Variants in RCAN1 observed in about 807,000 individuals in gnomAD.
RCAN1 encodes calcipressin-1.
A neutral mutation model predicts 22.9 loss-of-function variants in RCAN1; 11 were observed. The ratio of observed to expected loss-of-function variants is 0.48; its 90% CI spans 0.30 to 0.79. RCAN1 has a LOEUF of 0.79. RCAN1 is among the 30% of genes least tolerant of loss of function. RCAN1 has a pLI of 0.06. For synonymous variants in RCAN1, 136 were observed against 142.3 expected (o/e 0.96, Z 0.32); for missense variants, 291 against 337.8 (o/e 0.86, Z 1.09).
chr21:34,519,182 A>G (rs1228260051), intron 3 of RCAN1, among the ~76,000 whole-genome samples: 1 of 152,164 alleles, frequency 6.6e-6, no homozygotes, highest in Non-Finnish European at 1.5e-5. Context: ...AACCCGGCTC[A>G]CCACATGCTT....
intron 1 of RCAN1, among the ~76,000 whole-genome samples, chr21:34,608,134 A>G (rs879375170): frequency 2.0e-5 from 3 of 152,184 alleles, no homozygotes; most frequent in Non-Finnish European, 2.9e-5. Context: ...TTGTATAATT[A>G]TTTTATTATA....
chr21:34,532,882 C>G (rs990840978), intron 1 of RCAN1, among the ~76,000 whole-genome samples: 10 of 152,188 alleles, frequency 6.6e-5, no homozygotes, highest in Admixed American at 2.0e-4. Flanking sequence ...TCCAACCCCC[C>G]ACTGCCCACC....
chr21:34,525,906 T>TA (rs146178216), intron 1 of RCAN1, among the ~76,000 whole-genome samples: 7,593 of 152,152 alleles, frequency 0.05, 567 homozygotes, highest in African/African-American at 0.16. Context: ...TGATTTTTTT[T>TA]AAAAAAAGAA....
chr21:34,581,794 C>T (rs1311639251), intron 1 of RCAN1, among the ~76,000 whole-genome samples: 2 of 152,234 alleles, frequency 1.3e-5, no homozygotes, highest in East Asian at 3.8e-4. Context: ...GGCTGGCCTA[C>T]ATGTGGACCA....
intron 1 of RCAN1, among the ~76,000 whole-genome samples, chr21:34,592,341 C>T (rs907699691): frequency 3.9e-5 from 6 of 152,142 alleles, no homozygotes; most frequent in Non-Finnish European, 7.4e-5. Context: ...TAATGGCGTC[C>T]GCCACACGCC....
At chr21:34,561,880 C>A (rs904936659) in intron 1 of RCAN1, among the ~76,000 whole-genome samples, 1 of 152,154 alleles carries the variant, frequency 6.6e-6, no homozygotes, top group Non-Finnish European at 1.5e-5. Context: ...CTGCCCACTG[C>A]AATTTTCTAT....
intron 1 of RCAN1, among the ~76,000 whole-genome samples, chr21:34,598,733 G>C (rs1988239854): frequency 6.6e-6 from 1 of 152,098 alleles, no homozygotes; most frequent in African/African-American, 2.4e-5. Context: ...TGGCAAACTG[G>C]AGAAAATATC....
chr21:34,526,891 A>T, intron 1 of RCAN1: 36 of 1,454,272 alleles, frequency 2.5e-5, no homozygotes, highest in Non-Finnish European at 3.2e-5. Flanking sequence ...GGGAAAAAAA[A>T]AGTGCAGCTT....
intron 1 of RCAN1, among the ~76,000 whole-genome samples, chr21:34,602,230 A>G (rs1309998262): frequency 6.6e-6 from 1 of 152,180 alleles, no homozygotes; most frequent in Non-Finnish European, 1.5e-5. Context: ...TCTCAGGCAC[A>G]GCCCCGAAGG....
In RCAN1 at chr21:34,614,778, G is replaced by A; in HGVS notation, c.234C>T (p.Phe78=). The A allele has an allele frequency of 6.8e-7, 1 of 1,462,396 alleles. No individual in the cohort carries two copies. Among genetic ancestry groups the A allele is most frequent in the East Asian group, 3.2e-5 (1 of 31,734 alleles). The allele number at this position is 1,462,396 out of a possible 1,614,324, so 90.6% of individuals were successfully genotyped here. A position where few individuals can be genotyped will look rare whatever the true frequency, so the allele number is the denominator to read the frequency against. ...TCCTCACCCGGCACAGGCCGTCCAC[G>A]AACACGCGCGGGTCCAGGTGACAGG... ...TIACHLDPRV[F]VDGLCRAKFE... The change falls in exon 1 of 4, where the codon TTC becomes TTT. Residue 78 remains phenylalanine, a synonymous_variant. Transcript: ENST00000313806. This position sits in a 1 kb window ranked among gnomAD's most constrained non-coding sequence, Gnocchi z 6.0.
At chr21:34,564,681 C>A (rs962619329) in intron 1 of RCAN1, among the ~76,000 whole-genome samples, 5 of 152,034 alleles carry the variant, frequency 3.3e-5, no homozygotes, top group Admixed American at 3.3e-4. Flanking sequence ...ATACAATATT[C>A]ATTAATTATT....
intron 1 of RCAN1, chr21:34,525,574 A>C: frequency 2.2e-6 from 1 of 459,118 alleles, no homozygotes; most frequent in Non-Finnish European, 3.7e-6. Context: ...GGGAGAGATG[A>C]CTTTGAAGAA....
At chr21:34,556,757 C>A (rs1043458871) in intron 1 of RCAN1, among the ~76,000 whole-genome samples, 1 of 152,132 alleles carries the variant, frequency 6.6e-6, no homozygotes, top group Non-Finnish European at 1.5e-5. Context: ...CAGGTGAAGA[C>A]CAAGTATTAT....
chr21:34,555,580 A>AAAAT (rs1555860833), intron 1 of RCAN1, among the ~76,000 whole-genome samples: 302 of 150,128 alleles, frequency 2.0e-3, no homozygotes, highest in African/African-American at 7.2e-3. Context: ...TCAAAAAAAA[A>AAAAT]AATAAATAAA....
chr21:34,602,018 C>T (rs1179254438), intron 1 of RCAN1, among the ~76,000 whole-genome samples: 1 of 152,042 alleles, frequency 6.6e-6, no homozygotes, highest in African/African-American at 2.4e-5. Context: ...AAAAATTAAA[C>T]ATTGACCTAA....
chr21:34,574,339 A>C (rs1454679348), intron 1 of RCAN1, among the ~76,000 whole-genome samples: 1 of 152,218 alleles, frequency 6.6e-6, no homozygotes, highest in East Asian at 1.9e-4. Flanking sequence ...TGAGGGTGAG[A>C]TACTACGTAT....
intron 1 of RCAN1, among the ~76,000 whole-genome samples, chr21:34,593,577 AGT>A (rs1988042334): frequency 1.3e-5 from 2 of 152,210 alleles, no homozygotes; most frequent in African/African-American, 4.8e-5. Context: ...CCTGTCTCTT[AGT>A]CACAGAAGGG....
intron 1 of RCAN1, among the ~76,000 whole-genome samples, chr21:34,535,152 C>T (rs2834507): frequency 0.36 from 55,391 of 152,100 alleles, 11,214 homozygotes; most frequent in African/African-American, 0.56. Flanking sequence ...ATCCAAAACA[C>T]TTGGAGACCA....
chr21:34,521,576 A>T lies in RCAN1; in HGVS notation c.509T>A (p.Val170Glu). The part of the protein sequence containing the change: ...FLISPPASPP[V>E]GWKQVEDATP... ...CGCATCTTCCACTTGTTTCCATCCC[A>T]CTGGCGGAGAGGCGGGAGGGGAGAT... Residue 170 changes from valine to glutamate, a missense_variant, in exon 3 of 4, where the codon GTG (valine) becomes GAG (glutamate). Physicochemically the swap from Val to Glu is moderately radical, Grantham distance 121. Coordinates refer to ENST00000313806, the MANE Select transcript of RCAN1 (RefSeq NM_004414.7). 1 of 1,614,142 alleles carries T rather than the reference A, an allele frequency of 6.2e-7. No individual in the cohort carries two copies. Among genetic ancestry groups the T allele is most frequent in the Non-Finnish European group, 8.5e-7 (1 of 1,180,018 alleles).
Sources: allele counts gnomAD v4.1 joint callset (sites outside exome capture counted in the v4.1 genomes callset), GRCh38; gene constraint gnomAD v4.1.1; non-coding constraint Gnocchi (gnomAD v3.1); transcripts MANE v1.5; gene names NCBI Gene and HGNC (gene_info 2026-07-23, HGNC 2026-07-21).